AGBL4: variants seen among roughly 807,000 people sequenced by gnomAD.
AGBL4 encodes AGBL carboxypeptidase 4, also known as cytosolic carboxypeptidase 6.
In AGBL4, 58 loss-of-function variants were observed where a neutral mutation model predicts 66.4. The ratio of observed to expected loss-of-function variants is 0.87; its 90% confidence interval spans 0.71 to 1.09. The LOEUF is 1.09. AGBL4 is among the 50% of genes least tolerant of loss of function. The probability of loss-of-function intolerance (pLI) is 0.00; values close to 1 mark genes in which losing one functional copy is unlikely to be tolerated. For synonymous variants in AGBL4, 234 were observed against 222.9 expected (o/e 1.05, Z -0.44); for missense variants, 579 against 631.0 (o/e 0.92, Z 0.88).
chr1:48,781,603 C>T (rs1645294169), intron 6 of AGBL4, among the ~76,000 whole-genome samples: 1 of 152,262 alleles, frequency 6.6e-6, no homozygotes, highest in Non-Finnish European at 1.5e-5. Context: ...ATCCCCTCTT[C>T]AATATTTCTG....
intron 4 of AGBL4, among the ~76,000 whole-genome samples, chr1:49,058,807 G>T (rs1644351084): frequency 6.6e-6 from 1 of 152,196 alleles, no homozygotes; most frequent in African/African-American, 2.4e-5. Context: ...TGAGGAACTT[G>T]TTGGGAACTG....
Position 49,073,408 on chromosome 1 carries a change from T to TTGG in AGBL4, c.378-27611_378-27609dup, listed in dbSNP as rs57922625. On this transcript the variant is annotated intron_variant, in intron 4 of 13. Transcript: ENST00000371839. ...TTTTATCTACCTTTGGTCTTTGATG[T>TTGG]TGGTGACCTACTGATGAGGTTTTGG... Among the ~76,000 whole-genome samples the TTGG allele has an allele frequency of 5.4e-4, 82 of 152,316 alleles. 2 individuals are homozygous for TTGG. The East Asian group carries it at 0.012, about 22-fold the overall frequency.
intron 6 of AGBL4, among the ~76,000 whole-genome samples, chr1:48,764,628 G>T (rs189625093): frequency 1.3e-5 from 2 of 152,338 alleles, no homozygotes; most frequent in East Asian, 3.9e-4. Context: ...CTGAGGCTCA[G>T]TGTGCAGATG....
intron 2 of AGBL4, among the ~76,000 whole-genome samples, chr1:49,789,260 T>C (rs1346667904): frequency 6.6e-6 from 1 of 152,186 alleles, no homozygotes; most frequent in Non-Finnish European, 1.5e-5. Flanking sequence ...TTATTGAGGA[T>C]TTTTGCATCA....
chr1:49,468,254 T>C (rs982499380), intron 3 of AGBL4, among the ~76,000 whole-genome samples: 5 of 151,794 alleles, frequency 3.3e-5, no homozygotes, highest in African/African-American at 1.2e-4. Context: ...GGAATGTCTT[T>C]GGATTATTTT....
intron 11 of AGBL4, among the ~76,000 whole-genome samples, chr1:48,573,318 T>TC (rs1307530148): frequency 6.6e-6 from 1 of 152,224 alleles, no homozygotes; most frequent in African/African-American, 2.4e-5. Context: ...AGATGAAGTG[T>TC]CAGCTGTCTA....
intron 5 of AGBL4, among the ~76,000 whole-genome samples, chr1:49,040,462 G>T (rs1407943253): frequency 1.3e-5 from 2 of 151,946 alleles, no homozygotes; most frequent in African/African-American, 2.4e-5. Context: ...TTCACTCCAA[G>T]AAAAATGTAT....
At chr1:48,884,835 G>T (rs919141523) in intron 5 of AGBL4, among the ~76,000 whole-genome samples, 5 of 152,062 alleles carry the variant, frequency 3.3e-5, no homozygotes, top group Non-Finnish European at 7.4e-5. Flanking sequence ...TGGCTCCAGT[G>T]CTCCAGTGCT....
At chr1:49,302,268 T>C (rs577774455) in intron 3 of AGBL4, among the ~76,000 whole-genome samples, 6 of 152,062 alleles carry the variant, frequency 3.9e-5, no homozygotes, top group South Asian at 2.1e-4. Context: ...TTTTTTTTTT[T>C]CTGAGGCGTA....
At chr1:49,492,019 T>C (rs1647195830) in intron 3 of AGBL4, among the ~76,000 whole-genome samples, 1 of 151,944 alleles carries the variant, frequency 6.6e-6, no homozygotes, top group Admixed American at 6.6e-5. Flanking sequence ...ATGAAAGTGA[T>C]GTGAATGTGG....
At chr1:49,510,318 T>C (rs1649099802) in intron 3 of AGBL4, among the ~76,000 whole-genome samples, 2 of 151,994 alleles carry the variant, frequency 1.3e-5, no homozygotes, top group East Asian at 3.9e-4. Context: ...TTGATTTGCA[T>C]TTCTCTGATG....
At chr1:49,150,377 A>C (rs1052418946) in intron 4 of AGBL4, among the ~76,000 whole-genome samples, 10 of 152,212 alleles carry the variant, frequency 6.6e-5, no homozygotes, top group Admixed American at 4.6e-4. Context: ...TCACAATATA[A>C]TATTACAAGT....
chr1:48,586,754 G>C, intron 11 of AGBL4: 1 of 472,220 alleles, frequency 2.1e-6, no homozygotes, highest in East Asian at 4.0e-5. Context: ...AGCAGAGTAA[G>C]ATATGGGCAG....
At chr1:49,107,688 T>TGA (rs1378360186) in intron 4 of AGBL4, among the ~76,000 whole-genome samples, 11 of 105,330 alleles carry the variant, frequency 1.0e-4, no homozygotes, top group African/African-American at 3.8e-4. Context: ...TGTGTGTGTG[T>TGA]GTGTGTGAGA....
At chr1:49,783,370 GAAA>G (rs1169314096) in intron 2 of AGBL4, among the ~76,000 whole-genome samples, 2 of 152,004 alleles carry the variant, frequency 1.3e-5, no homozygotes, top group South Asian at 2.1e-4. Context: ...AAGGTTGTTT[GAAA>G]ATAAATTAAT....
chr1:50,009,708 G>A (rs1166768524), intron 1 of AGBL4, among the ~76,000 whole-genome samples: 1 of 150,142 alleles, frequency 6.7e-6, no homozygotes, highest in East Asian at 1.9e-4. Context: ...AATTGTAAAG[G>A]AAGAAGTCGA....
intron 3 of AGBL4, among the ~76,000 whole-genome samples, chr1:49,582,318 C>T (rs1378712702): frequency 3.3e-5 from 5 of 152,166 alleles, no homozygotes; most frequent in African/African-American, 1.2e-4. Context: ...TGCTGAGGTC[C>T]TTCCACAAGG....
At chr1:49,894,253 G>C (rs1222821124) in intron 1 of AGBL4, among the ~76,000 whole-genome samples, 1 of 152,042 alleles carries the variant, frequency 6.6e-6, no homozygotes, top group African/African-American at 2.4e-5. Context: ...AAAAAGGACA[G>C]ATAGAATAAG....
intron 3 of AGBL4, among the ~76,000 whole-genome samples, chr1:49,493,180 C>G (rs953999709): frequency 6.6e-6 from 1 of 152,078 alleles, no homozygotes; most frequent in Admixed American, 6.5e-5. Context: ...GGTGGGGACA[C>G]AGGCAAACAA....
Sources: gnomAD v4.1 joint callset for allele counts (sites outside exome capture counted in the v4.1 genomes callset) on GRCh38, gnomAD v4.1.1 for gene constraint, MANE v1.5 for transcripts, NCBI Gene and HGNC (gene_info 2026-07-23, HGNC 2026-07-21) for gene names.